The following CABIN1 variants were observed in gnomAD, a reference collection of about 807,000 sequenced individuals.
The protein encoded by CABIN1 is calcineurin binding protein 1.
A neutral mutation model predicts 227.7 loss-of-function variants in CABIN1; 133 were observed. The observed-to-expected ratio is 0.58, with a 90% confidence interval of 0.51 to 0.67. The LOEUF is 0.67. Among genes scored for constraint, CABIN1 ranks in the 30% least tolerant of loss-of-function variants. The pLI, the probability that CABIN1 is intolerant of heterozygous loss-of-function variation, is 0.00. For synonymous variants in CABIN1, 1,086 were observed against 1,155.1 expected, an observed-to-expected ratio of 0.94 and a Z score of 1.21; for missense variants, 2,408 against 2,852.5, an observed-to-expected ratio of 0.84 and a Z score of 3.55.
chr22:24,175,993 C>A, intron 34 of CABIN1, 118 bp from the exon 35 acceptor site: 1 of 1,224,392 alleles, frequency 8.2e-7, no homozygotes, highest in Non-Finnish European at 1.2e-6. Flanking sequence ...CAGCATTGGC[C>A]ACACTCCCCT....
rs1478652827 is a variant in CABIN1, at chr22:24,168,473, G to A, written c.5709G>A (p.Gln1903=). Residue 1903 remains glutamine (Q), a synonymous_variant, in exon 33 of 37, where the codon CAG becomes CAA. Coordinates refer to ENST00000263119, the MANE Select transcript of CABIN1 (RefSeq NM_012295.4). ...TGGATGAGGAGGCTGCGCTGGAGCA[G>A]GCTGTGAAGTTCTGCCAGGTCCATC... ...KQVDEEAALE[Q]AVKFCQVHLG... is the part of the protein sequence containing the mutation. The A allele has an allele frequency of 3.2e-6, 5 of 1,571,864 alleles. No homozygotes were observed. The East Asian group carries it at 9.5e-5, about 30-fold the overall frequency.
At chr22:24,024,852 G>A (rs1175519488) in intron 1 of CABIN1, among the ~76,000 whole-genome samples, 1 of 151,804 alleles carries the variant, frequency 6.6e-6, no homozygotes, top group African/African-American at 2.4e-5. Flanking sequence ...TTTCTTTTTA[G>A]AATTTCTGTC....
intron 1 of CABIN1, among the ~76,000 whole-genome samples, chr22:24,019,650 C>CTTT (rs34361694): frequency 3.7e-3 from 324 of 86,980 alleles, no homozygotes; most frequent in Non-Finnish European, 4.9e-3. Flanking sequence ...TTTCTTTACC[C>CTTT]TTTTTTTTTT....
chr22:24,131,511 G>A (rs2044071432), intron 28 of CABIN1, among the ~76,000 whole-genome samples: 1 of 152,174 alleles, frequency 6.6e-6, no homozygotes, highest in East Asian at 1.9e-4. Flanking sequence ...CTTACTCCCT[G>A]CCTCATAGCA....
intron 1 of CABIN1, among the ~76,000 whole-genome samples, chr22:24,016,642 A>G (rs1294765049): frequency 1.3e-5 from 2 of 152,210 alleles, no homozygotes; most frequent in Non-Finnish European, 1.5e-5. Context: ...TGTTGGAGGT[A>G]CATATTCAGG....
In CABIN1 at chr22:24,165,579, A is replaced by T. The variant is rs775126634; in HGVS notation, c.4960A>T (p.Ile1654Phe). Residue 1654 changes from isoleucine (I) to phenylalanine (F), a missense_variant, in exon 31 of 37, where the codon ATC becomes TTC. Coordinates refer to ENST00000263119, the MANE Select transcript of CABIN1 (RefSeq NM_012295.4). ...DRQVLAQRAF[I>F]LTVKVLEDTL... is the part of the protein sequence containing the mutation. ...CCAGGTCCTGGCGCAGCGGGCCTTCATCCTCACTGTGAAGGTGCTCGAAGA... is the reference window on the plus strand; with the variant it reads ...CCAGGTCCTGGCGCAGCGGGCCTTCTTCCTCACTGTGAAGGTGCTCGAAGA... 6.2e-7 allele frequency: 1 copy of T among 1,613,222 alleles called. No individual in the cohort carries two copies. The highest frequency in any genetic ancestry group is 8.5e-7 in the Non-Finnish European group (1 of 1,179,986).
chr22:24,119,925 G>A (rs1005697302), intron 28 of CABIN1, among the ~76,000 whole-genome samples: 2 of 152,218 alleles, frequency 1.3e-5, no homozygotes, highest in Admixed American at 6.5e-5. Flanking sequence ...AGGGAGGAGT[G>A]TAGGGGGTCT....
intron 26 of CABIN1, among the ~76,000 whole-genome samples, chr22:24,106,787 GTAGA>G (rs2042544497): frequency 6.6e-6 from 1 of 152,228 alleles, no homozygotes; most frequent in Admixed American, 6.5e-5. Context: ...GTCTGCCCAG[GTAGA>G]TAGAGCCATT....
intron 26 of CABIN1, among the ~76,000 whole-genome samples, chr22:24,103,984 G>T (rs1482799794): frequency 6.6e-6 from 1 of 152,116 alleles, no homozygotes; most frequent in African/African-American, 2.4e-5. Flanking sequence ...CTCTAGAGAG[G>T]CCTGCAGGCC....
At chr22:24,044,862 T>G (rs755972167) in intron 6 of CABIN1, among the ~76,000 whole-genome samples, 1 of 152,130 alleles carries the variant, frequency 6.6e-6, no homozygotes, top group Non-Finnish European at 1.5e-5. Flanking sequence ...TTATTTATTC[T>G]CTAGTAAGAT....
At chr22:24,059,844 T>C (rs1190763007) in intron 11 of CABIN1, 80 bp from the exon 12 acceptor site, 3 of 1,228,614 alleles carry the variant, frequency 2.4e-6, no homozygotes, top group Non-Finnish European at 3.6e-6. Context: ...GAACAGTCTT[T>C]ACTGTCCCAA....
chr22:24,124,371 C>G (rs540770866), intron 28 of CABIN1, among the ~76,000 whole-genome samples: 1 of 152,216 alleles, frequency 6.6e-6, no homozygotes, highest in Non-Finnish European at 1.5e-5. Context: ...GGCTCCCTGC[C>G]TGGGGCATAG....
chr22:24,113,821 C>T lies in CABIN1; in HGVS notation c.4300+73C>T, dbSNP rs73401699. 4.1e-3 allele frequency: 6,351 copies of T among 1,548,038 alleles called. 231 individuals are homozygous for T. In the African/African-American group the frequency reaches 0.075, roughly 18 times the overall value. On this transcript the variant is annotated intron_variant, in intron 27 of 36. Coordinates refer to ENST00000263119, the MANE Select transcript of CABIN1 (RefSeq NM_012295.4). ...GCAATCTGGGCAAAGCCGAAGGCTT[C>T]GTGGCCCAGGGACCTTGGCTGGGCA...
chr22:24,075,861 T>A (rs1016785790), intron 18 of CABIN1, among the ~76,000 whole-genome samples: 2 of 152,178 alleles, frequency 1.3e-5, no homozygotes, highest in Non-Finnish European at 2.9e-5. Flanking sequence ...ATGGATGCTG[T>A]GACTGAGGTT....
intron 32 of CABIN1, among the ~76,000 whole-genome samples, chr22:24,167,650 A>G (rs2046532933): frequency 6.6e-6 from 1 of 152,164 alleles, no homozygotes; most frequent in Non-Finnish European, 1.5e-5. Flanking sequence ...GTGACCAGAG[A>G]TCCCCTTGTC....
At chr22:24,165,803 A>G (rs1381976864) in intron 31 of CABIN1, among the ~76,000 whole-genome samples, 177 bp downstream of exon 31, 1 of 152,152 alleles carries the variant, frequency 6.6e-6, no homozygotes, top group African/African-American at 2.4e-5. Flanking sequence ...AGCCGTGGTA[A>G]TGAATGCACA....
At chr22:24,031,089 G>A (rs553869082) in intron 1 of CABIN1, among the ~76,000 whole-genome samples, 3 of 152,268 alleles carry the variant, frequency 2.0e-5, no homozygotes, top group South Asian at 2.1e-4. Flanking sequence ...CCCTGCCACC[G>A]CCACACAGAG....
intron 4 of CABIN1, among the ~76,000 whole-genome samples, chr22:24,040,364 A>C (rs1421024601): frequency 6.6e-6 from 1 of 152,154 alleles, no homozygotes; most frequent in African/African-American, 2.4e-5. Flanking sequence ...TTCAGATCTT[A>C]CCTGTTCAGA....
At chr22:24,175,064 GTTTCC>G (rs1475444751) in intron 34 of CABIN1, among the ~76,000 whole-genome samples, 1 of 152,218 alleles carries the variant, frequency 6.6e-6, no homozygotes, top group Non-Finnish European at 1.5e-5. Context: ...AAGAGGATCT[GTTTCC>G]TAGCATACCT....
Sources: gnomAD v4.1 joint callset for allele counts (sites outside exome capture counted in the v4.1 genomes callset) on GRCh38, gnomAD v4.1.1 for gene constraint, MANE v1.5 for transcripts, NCBI Gene and HGNC (gene_info 2026-07-23, HGNC 2026-07-21) for gene names.